Variants in FUT8 observed in about 807,000 individuals in gnomAD.
FUT8 encodes the protein alpha-(1,6)-fucosyltransferase.
In FUT8, 29 loss-of-function variants were observed where a neutral mutation model predicts 71.3. That is an observed-to-expected ratio of 0.41 (90% CI 0.30 to 0.55). FUT8 has a LOEUF of 0.55. Ranked by LOEUF, FUT8 falls within the 20% of genes least tolerant of loss-of-function variation. FUT8 has a pLI of 0.34. For missense variants in FUT8, 544 were observed against 702.1 expected (o/e 0.77, Z 2.55); for synonymous variants, 254 against 239.3 (o/e 1.06, Z -0.57).
At position 65,494,280 on chromosome 14, in the gene FUT8, A is replaced by G. The variant is rs2066526303; in HGVS notation, c.-228+38562A>G. ...ATCAATTAGAGTTTTACATTCTTTT[A>G]TTCATATTAAGTCTTTGAAATCCAT... On this transcript the variant is annotated intron_variant, in intron 2 of 10. Coordinates refer to ENST00000673929, the MANE Select transcript of FUT8 (RefSeq NM_001371533.1). 2.0e-5 allele frequency among the ~76,000 whole-genome samples: 3 copies of G among 152,160 alleles called. No individual in the cohort carries two copies. The South Asian group carries it at 6.2e-4, about 31-fold the overall frequency.
chr14:65,531,814 C>T lies in FUT8; in HGVS notation c.-227-29523C>T, dbSNP rs554000384. 3.7e-4 allele frequency among the ~76,000 whole-genome samples: 56 copies of T among 152,176 alleles called. No individual in the cohort carries two copies. In the South Asian group the frequency reaches 6.6e-3, roughly 18 times the overall value. ...AGGCTCCATTGTCTATTGTTCCTTT[C>T]GTTGTGTTTATGTGTTCTCATCATT... On this transcript the variant is annotated intron_variant, in intron 2 of 10. Coordinates refer to ENST00000673929, the MANE Select transcript of FUT8 (RefSeq NM_001371533.1).
chr14:65,433,788 C>CTGTCTCT (rs2139440917), intron 1 of FUT8, among the ~76,000 whole-genome samples: 1 of 51,494 alleles, frequency 1.9e-5, no homozygotes, highest in East Asian at 3.4e-4. Context: ...TCTGTCTCTT[C>CTGTCTCT]TCTCTCTCTC....
the FUT8 span, among the ~76,000 whole-genome samples, chr14:65,367,448 C>G: frequency 6.6e-6 from 1 of 152,074 alleles, no homozygotes; most frequent in Admixed American, 6.6e-5. Context: ...GAGCAACTAC[C>G]CTTATTTTGT....
chr14:65,623,470 C>T (rs769445301), intron 5 of FUT8, among the ~76,000 whole-genome samples: 1 of 152,028 alleles, frequency 6.6e-6, no homozygotes, highest in Non-Finnish European at 1.5e-5. Flanking sequence ...GTAATCCTAG[C>T]ACTTTGGGGA....
intron 2 of FUT8, among the ~76,000 whole-genome samples, chr14:65,459,995 G>C (rs1269588821): frequency 6.6e-6 from 1 of 152,128 alleles, no homozygotes; most frequent in Non-Finnish European, 1.5e-5. Flanking sequence ...TGATAGATAG[G>C]CTTGTTATAA....
At chr14:65,456,449 A>G (rs988464501) in intron 2 of FUT8, among the ~76,000 whole-genome samples, 1 of 152,154 alleles carries the variant, frequency 6.6e-6, no homozygotes, top group Non-Finnish European at 1.5e-5. Flanking sequence ...ATTGCTGAGT[A>G]GTGTTCCATT....
At chr14:65,379,579 G>T in the FUT8 span, among the ~76,000 whole-genome samples, 6 of 152,058 alleles carry the variant, frequency 3.9e-5, no homozygotes, top group African/African-American at 1.2e-4. Context: ...TTATGTGCTT[G>T]GAGCTGAAAT....
chr14:65,369,072 A>G, the FUT8 span, among the ~76,000 whole-genome samples: 1 of 152,376 alleles, frequency 6.6e-6, no homozygotes, highest in Non-Finnish European at 1.5e-5. This position sits in a 1 kb window ranked among gnomAD's most constrained non-coding sequence, Gnocchi z 4.6. Context: ...TTTTTATACT[A>G]TGTCTGAAAG....
intron 6 of FUT8, among the ~76,000 whole-genome samples, chr14:65,653,479 C>G (rs556097204): frequency 6.9e-4 from 105 of 152,200 alleles, no homozygotes; most frequent in Non-Finnish European, 1.3e-3. Flanking sequence ...TGACAGAAAA[C>G]TTCTTAAATT....
chr14:65,616,317 A>G lies in FUT8; in HGVS notation c.426A>G (p.Gly142=), dbSNP rs746341099. The G allele has an allele frequency of 1.9e-6, 3 of 1,612,692 alleles. No homozygotes were observed. The South Asian group carries it at 3.3e-5, about 18-fold the overall frequency. The part of the protein sequence containing the change: ...SELKKLKNLE[G]NELQRHADEF... ...TGAAGAAATTAAAGAACTTAGAAGG[A>G]AATGAACTCCAAAGACATGCAGATG... is the stretch of plus-strand genomic sequence containing the variant. The change falls in exon 5 of 11, where the codon GGA becomes GGG. Residue 142 remains glycine (G), a synonymous_variant. Transcript: ENST00000673929.
At chr14:65,677,151 T>TGTGTGTGTGCGC in intron 7 of FUT8, among the ~76,000 whole-genome samples, 2,627 of 110,578 alleles carry the variant, frequency 0.024, 59 homozygotes, top group Non-Finnish European at 0.032. Flanking sequence ...TGTGTGTGTG[T>TGTGTGTGTGCGC]GCGCGCGCGC....
At chr14:65,591,537 T>C (rs535928164) in intron 3 of FUT8, among the ~76,000 whole-genome samples, 3 of 152,174 alleles carry the variant, frequency 2.0e-5, no homozygotes, top group Non-Finnish European at 4.4e-5. Flanking sequence ...TGTAGCTTAA[T>C]TAGCATTGGC....
rs117818689 is a variant in FUT8, at chr14:65,738,742, A to G, written c.1411-3351A>G. On this transcript the variant is annotated intron_variant, in intron 10 of 10. Transcript: ENST00000673929. ...AGAGTGACTAAATGCGAACATTAAC[A>G]CTATAGTAATCTTTTTAGCCTTTTG... Among the ~76,000 whole-genome samples the G allele has an allele frequency of 1.1e-3, 170 of 152,196 alleles. 1 individual carries two copies. The East Asian group carries it at 0.025, about 22-fold the overall frequency.
intron 6 of FUT8, among the ~76,000 whole-genome samples, chr14:65,635,219 C>T (rs1890482421): frequency 6.6e-6 from 1 of 152,126 alleles, no homozygotes; most frequent in African/African-American, 2.4e-5. Flanking sequence ...CTGAATTCTT[C>T]CTCAGTTCTA....
At chr14:65,592,274 A>C (rs1049924168) in intron 3 of FUT8, among the ~76,000 whole-genome samples, 2 of 152,114 alleles carry the variant, frequency 1.3e-5, no homozygotes, top group Admixed American at 1.3e-4. Context: ...AAGTATATTT[A>C]AATTCTAGAC....
At chr14:65,622,094 G>A (rs980095088) in intron 5 of FUT8, among the ~76,000 whole-genome samples, 3 of 152,224 alleles carry the variant, frequency 2.0e-5, no homozygotes, top group African/African-American at 7.2e-5. Flanking sequence ...AAAGTGCTGG[G>A]ATTACAGGCG....
chr14:65,552,962 C>CT (rs1292579362), intron 2 of FUT8, among the ~76,000 whole-genome samples: 2 of 152,008 alleles, frequency 1.3e-5, no homozygotes, highest in African/African-American at 4.8e-5. Flanking sequence ...GAAATACGTT[C>CT]TTTTTTTCCC....
intron 2 of FUT8, among the ~76,000 whole-genome samples, chr14:65,512,410 C>G (rs1882407445): frequency 6.6e-6 from 1 of 152,154 alleles, no homozygotes. Flanking sequence ...AAGAGATCCC[C>G]TGCCTTGGCC....
chr14:65,668,832 T>C (rs917986684), intron 6 of FUT8, among the ~76,000 whole-genome samples: 3 of 152,096 alleles, frequency 2.0e-5, no homozygotes, highest in Admixed American at 2.0e-4. Flanking sequence ...ATATATATCA[T>C]GGAATAGTAT....
Sources: allele counts gnomAD v4.1 joint callset (sites outside exome capture counted in the v4.1 genomes callset), GRCh38; gene constraint gnomAD v4.1.1; non-coding constraint Gnocchi (gnomAD v3.1); transcripts MANE v1.5; gene names NCBI Gene and HGNC (gene_info 2026-07-23, HGNC 2026-07-21).